The following GAS2L3 variants were observed in gnomAD, a reference collection of about 807,000 sequenced individuals.
The protein encoded by GAS2L3 is GAS2-like protein 3.
In GAS2L3, 28 loss-of-function variants were observed where a neutral mutation model predicts 37.0. The ratio of observed to expected loss-of-function variants is 0.76; its 90% CI spans 0.56 to 1.04. The LOEUF (loss-of-function observed/expected upper bound fraction) is 1.04. Among genes scored for constraint, GAS2L3 ranks in the 50% least tolerant of loss-of-function variants. The pLI, the probability that GAS2L3 is intolerant of heterozygous loss-of-function variation, is 0.00. For missense variants in GAS2L3, 793 were observed against 817.6 expected (o/e 0.97, Z 0.37); for synonymous variants, 290 against 296.6 (o/e 0.98, Z 0.23).
At chr12:100,620,888 T>G (rs971891309) in intron 8 of GAS2L3, among the ~76,000 whole-genome samples, 1 of 152,102 alleles carries the variant, frequency 6.6e-6, no homozygotes, top group East Asian at 1.9e-4. Context: ...TTTCACCATT[T>G]TATGCACATG....
chr12:100,621,202 C>G (rs972226894), intron 8 of GAS2L3, among the ~76,000 whole-genome samples: 6 of 152,074 alleles, frequency 3.9e-5, no homozygotes, highest in Admixed American at 6.6e-5. Context: ...TATATGAATT[C>G]GTTTTGATAA....
intron 1 of GAS2L3, among the ~76,000 whole-genome samples, chr12:100,575,278 A>G (rs1445957791): frequency 6.6e-6 from 1 of 152,006 alleles, no homozygotes; most frequent in African/African-American, 2.4e-5. Context: ...TAGAAGGTGA[A>G]GGCAGTACCA....
chr12:100,589,457 A>C (rs1251830545), intron 1 of GAS2L3, among the ~76,000 whole-genome samples: 1 of 152,246 alleles, frequency 6.6e-6, no homozygotes, highest in Admixed American at 6.5e-5. Context: ...TCCCATGCTC[A>C]TGGATGGGTA....
intron 7 of GAS2L3, 45 bp from the exon 8 acceptor site, chr12:100,618,404 G>T: frequency 6.4e-7 from 1 of 1,568,486 alleles, no homozygotes; most frequent in Non-Finnish European, 8.6e-7. Context: ...GGCAAGTACT[G>T]GGTCAACTTT....
intron 3 of GAS2L3, among the ~76,000 whole-genome samples, chr12:100,599,316 T>G (rs1373827982): frequency 6.6e-6 from 1 of 152,238 alleles, no homozygotes; most frequent in Non-Finnish European, 1.5e-5. Flanking sequence ...AGAATAATCA[T>G]ATTTCAAAAT....
intron 1 of GAS2L3, chr12:100,579,506 A>T: frequency 1.3e-6 from 1 of 773,958 alleles, no homozygotes. Flanking sequence ...AGAAATATTA[A>T]GATTTAAATT....
intron 1 of GAS2L3, among the ~76,000 whole-genome samples, chr12:100,584,127 A>T (rs543099406): frequency 6.6e-6 from 1 of 152,280 alleles, no homozygotes; most frequent in South Asian, 2.1e-4. Context: ...TCTATTTCCA[A>T]TAGCAACCCA....
chr12:100,623,886 G>T lies in GAS2L3; in HGVS notation c.1081G>T (p.Gly361Ter). The T allele has an allele frequency of 6.2e-7, 1 of 1,614,086 alleles. No individual in the cohort carries two copies. Among genetic ancestry groups the T allele is most frequent in the Non-Finnish European group, 8.5e-7 (1 of 1,179,988 alleles). Residue 361 changes from glycine to a stop codon, truncating the protein, a stop_gained, in exon 10 of 10, where the codon GGA becomes TGA. Coordinates refer to ENST00000547754, the MANE Select transcript of GAS2L3 (RefSeq NM_174942.3). LOFTEE classifies it low-confidence loss of function (END_TRUNC). Reference sequence around the variant, plus strand: ...ATTGGTGCCAGCATCTTCACTGAAAGGAGGTAATCTGGGCTCTATGTCAGT... The same window carrying T: ...ATTGGTGCCAGCATCTTCACTGAAATGAGGTAATCTGGGCTCTATGTCAGT... ...GALVPASSLK[G>*]GNLGSMSVRS... is the part of the protein sequence containing the mutation.
chr12:100,624,900 C>T lies in GAS2L3; in HGVS notation c.*10C>T, dbSNP rs1956316508. The T allele has an allele frequency of 6.6e-7, 1 of 1,519,132 alleles. No homozygotes were observed. The highest frequency in any genetic ancestry group is 8.9e-7 in the Non-Finnish European group (1 of 1,118,660). The allele number at this position is 1,519,132 out of a possible 1,614,324, so 94.1% of individuals were successfully genotyped here. On this transcript the variant is annotated 3_prime_UTR_variant, in exon 10 of 10. Coordinates refer to ENST00000547754, the MANE Select transcript of GAS2L3 (RefSeq NM_174942.3). ...GAAACCTAGAAAATAAATACATACT[C>T]ATTATAAAAAAAGAGAAAAGGAAGA...
rs780406804 is a variant in GAS2L3 at position 100,622,422 on chromosome 12, G to A, written c.756+40G>A. ...TACACTTTATTTACACATAAATACT[G>A]TTTTGAAATTGGATTTATTGCTTTA... On this transcript the variant is annotated intron_variant, in intron 9 of 9. Transcript: ENST00000547754. 22 of 1,010,252 alleles carry A rather than the reference G, an allele frequency of 2.2e-5. No individual in the cohort carries two copies. The East Asian group carries it at 5.2e-4, about 24-fold the overall frequency. The allele number at this position is 1,010,252 out of a possible 1,614,324, so 62.6% of individuals were successfully genotyped here.
intron 1 of GAS2L3, among the ~76,000 whole-genome samples, chr12:100,575,013 G>A (rs1230172412): frequency 6.6e-6 from 1 of 151,938 alleles, no homozygotes; most frequent in Non-Finnish European, 1.5e-5. Flanking sequence ...GAGTTGCTAA[G>A]CAGGGGGGCT....
chr12:100,584,493 C>T (rs949588518), intron 1 of GAS2L3, among the ~76,000 whole-genome samples: 3 of 152,114 alleles, frequency 2.0e-5, no homozygotes, highest in Non-Finnish European at 4.4e-5. Flanking sequence ...CAAGTATTTG[C>T]TGACAATTTT....
chr12:100,600,339 A>C, intron 3 of GAS2L3, 43 bp from the exon 4 acceptor site: 1 of 1,286,460 alleles, frequency 7.8e-7, no homozygotes, highest in African/African-American at 1.5e-5. Context: ...GACTTTTAGC[A>C]AAGGTTTTAT....
At chr12:100,618,758 A>C (rs948009977) in intron 8 of GAS2L3, 171 bp downstream of exon 8, 2 of 552,262 alleles carry the variant, frequency 3.6e-6, no homozygotes, top group African/African-American at 3.9e-5. Context: ...TATATTTTAA[A>C]GGTGATTTGT....
Position 100,627,046 on chromosome 12 carries a change from GCCACTGCA to G in GAS2L3, c.*2158_*2165del, listed in dbSNP as rs931881903. Among the ~76,000 whole-genome samples the G allele has an allele frequency of 2.7e-5, 4 of 146,350 alleles. No individual in the cohort carries two copies. Among genetic ancestry groups the G allele is most frequent in the African/African-American group, 1.0e-4 (4 of 39,334 alleles). On this transcript the variant is annotated 3_prime_UTR_variant, in exon 10 of 10. Transcript: ENST00000547754. ...AGAGGTTGCAGTGAGCCAAGATTGC[GCCACTGCA>G]CTCCAGCCTGGGCAACAGAGTGAGA...
intron 1 of GAS2L3, among the ~76,000 whole-genome samples, chr12:100,574,324 C>T (rs1427076564): frequency 6.6e-6 from 1 of 152,192 alleles, no homozygotes; most frequent in Non-Finnish European, 1.5e-5. Flanking sequence ...GGTTTATAGG[C>T]TCTTCCCTGT....
In GAS2L3 at chr12:100,625,518, T is replaced by C. The variant is rs1956323737; in HGVS notation, c.*628T>C. 1 of 152,190 alleles carries C rather than the reference T, an allele frequency of 6.6e-6. No individual in the cohort carries two copies. Among genetic ancestry groups the C allele is most frequent in the South Asian group, 2.1e-4 (1 of 4,830 alleles). 9.4% of individuals were successfully genotyped at this position (152,190 alleles called of 1,614,324 possible). A position where few individuals can be genotyped will look rare whatever the true frequency, so the allele number is the denominator to read the frequency against. On this transcript the variant is annotated 3_prime_UTR_variant, in exon 10 of 10. Coordinates refer to ENST00000547754, the MANE Select transcript of GAS2L3 (RefSeq NM_174942.3). ...CTGATTGTTTCATGTGGCTTATATTTACATTGGTAATATTTTGTCACCAAT... is the reference window on the plus strand; with the variant it reads ...CTGATTGTTTCATGTGGCTTATATTCACATTGGTAATATTTTGTCACCAAT...
chr12:100,605,121 T>C (rs1281533775), intron 5 of GAS2L3, among the ~76,000 whole-genome samples: 1 of 152,066 alleles, frequency 6.6e-6, no homozygotes, highest in Non-Finnish European at 1.5e-5. Flanking sequence ...AGTTTGGAAG[T>C]AATCCCTCCT....
intron 1 of GAS2L3, among the ~76,000 whole-genome samples, chr12:100,576,430 G>C (rs549699741): frequency 1.3e-4 from 20 of 151,930 alleles, no homozygotes; most frequent in African/African-American, 4.8e-4. Context: ...CTTATTATTG[G>C]TTTTCATACT....
Sources: gnomAD v4.1 joint callset for allele counts (sites outside exome capture counted in the v4.1 genomes callset) on GRCh38, gnomAD v4.1.1 for gene constraint, MANE v1.5 for transcripts, NCBI Gene and HGNC (gene_info 2026-07-23, HGNC 2026-07-21) for gene names.